PRICKLE2: variants seen among roughly 807,000 people sequenced by gnomAD.
The protein encoded by PRICKLE2 is prickle-like protein 2.
In PRICKLE2, 21 loss-of-function variants were observed where a neutral mutation model predicts 81.4. The observed-to-expected ratio is 0.26, with a 90% confidence interval of 0.18 to 0.37. PRICKLE2 has a LOEUF of 0.37. Among genes scored for constraint, PRICKLE2 ranks in the 10% least tolerant of loss-of-function variants. PRICKLE2 has a pLI of 1.00. For missense variants in PRICKLE2, 940 were observed against 1,109.0 expected (o/e 0.85, Z 2.16); for synonymous variants, 456 against 421.5 (o/e 1.08, Z -1.00).
chr3:64,139,378 C>G (rs755549482), intron 7 of PRICKLE2, among the ~76,000 whole-genome samples: 11 of 152,214 alleles, frequency 7.2e-5, no homozygotes, highest in Non-Finnish European at 1.2e-4. Flanking sequence ...CTATTTTCCT[C>G]TGTCTCCCAG....
Position 64,096,160 on chromosome 3 carries a change from G to C in PRICKLE2, c.*2891C>G, listed in dbSNP as rs34723451. 6.6e-6 allele frequency: 1 copy of C among 152,084 alleles called. No homozygotes were observed. The highest frequency in any genetic ancestry group is 2.4e-5 in the African/African-American group (1 of 41,428). 9.4% of individuals were successfully genotyped at this position (152,084 alleles called of 1,614,324 possible). A position where few individuals can be genotyped will look rare whatever the true frequency, so the allele number is the denominator to read the frequency against. ...AGACAAGAAGATCAATATTAGGAGA[G>C]GTGGGAAAAATAACAACCAGGGCAT... On this transcript the variant is annotated 3_prime_UTR_variant, in exon 8 of 8. Coordinates refer to ENST00000638394, the MANE Select transcript of PRICKLE2 (RefSeq NM_198859.4).
chr3:64,165,846 G>A (rs2077819840), intron 2 of PRICKLE2, among the ~76,000 whole-genome samples: 1 of 152,174 alleles, frequency 6.6e-6, no homozygotes, highest in Admixed American at 6.5e-5. Context: ...GGCTTGTAGA[G>A]TGAGACCAAA....
chr3:64,108,196 A>G (rs543099285), intron 7 of PRICKLE2, among the ~76,000 whole-genome samples: 1 of 152,174 alleles, frequency 6.6e-6, no homozygotes, highest in Non-Finnish European at 1.5e-5. Flanking sequence ...CCCTTTATAG[A>G]CACAGGTTGT....
chr3:64,160,141 A>G, intron 3 of PRICKLE2, 64 bp from the exon 4 acceptor site: 3 of 1,571,332 alleles, frequency 1.9e-6, no homozygotes, highest in South Asian at 1.1e-5. Flanking sequence ...TCTGAAGCCC[A>G]TGACTCTGAG....
chr3:64,110,142 T>C (rs903543224), intron 7 of PRICKLE2, among the ~76,000 whole-genome samples: 5 of 152,226 alleles, frequency 3.3e-5, no homozygotes, highest in African/African-American at 9.6e-5. Flanking sequence ...ATATTGCTAA[T>C]TGAAAGGATA....
intron 2 of PRICKLE2, among the ~76,000 whole-genome samples, chr3:64,265,072 A>G (rs997610920): frequency 1.3e-5 from 2 of 152,146 alleles, no homozygotes; most frequent in East Asian, 1.9e-4. Context: ...CCAGATTACA[A>G]TCTTTGCAAA....
At chr3:64,121,730 C>G (rs1175124786) in intron 7 of PRICKLE2, among the ~76,000 whole-genome samples, 1 of 152,180 alleles carries the variant, frequency 6.6e-6, no homozygotes, top group African/African-American at 2.4e-5. Flanking sequence ...TAGTCCCATG[C>G]TGGGCAGACA....
intron 5 of PRICKLE2, among the ~76,000 whole-genome samples, chr3:64,156,335 C>T (rs959919224): frequency 5.3e-5 from 8 of 152,108 alleles, no homozygotes; most frequent in Non-Finnish European, 1.2e-4. Context: ...GGCTGTCTGG[C>T]TGAAAAAGGG....
chr3:64,141,094 T>C (rs2077354371), intron 7 of PRICKLE2, among the ~76,000 whole-genome samples: 1 of 152,208 alleles, frequency 6.6e-6, no homozygotes, highest in Admixed American at 6.5e-5. Flanking sequence ...CTCACAGCAT[T>C]TAAAGAAGCA....
chr3:64,183,821 C>T (rs58165451), intron 2 of PRICKLE2, among the ~76,000 whole-genome samples: 3 of 152,170 alleles, frequency 2.0e-5, no homozygotes, highest in Admixed American at 6.5e-5. Context: ...TGAAAACAAA[C>T]TTTTCTGATC....
At chr3:64,172,081 A>C (rs1021572695) in intron 2 of PRICKLE2, among the ~76,000 whole-genome samples, 2 of 152,214 alleles carry the variant, frequency 1.3e-5, no homozygotes, top group Non-Finnish European at 2.9e-5. Flanking sequence ...TATTTTATTT[A>C]GAATATTAAA....
intron 6 of PRICKLE2, among the ~76,000 whole-genome samples, chr3:64,152,183 T>C (rs1410893494): frequency 6.6e-6 from 1 of 152,170 alleles, no homozygotes; most frequent in Non-Finnish European, 1.5e-5. Context: ...TGGGGCAAAA[T>C]GGGCTCCAAA....
chr3:64,215,702 C>T (rs528704675), intron 1 of PRICKLE2, among the ~76,000 whole-genome samples: 16 of 152,238 alleles, frequency 1.1e-4, no homozygotes, highest in Admixed American at 9.8e-4. Context: ...GCCAAGATCA[C>T]ATTAAAGAAA....
At chr3:64,185,599 C>A (rs1029248201) in intron 2 of PRICKLE2, among the ~76,000 whole-genome samples, 2 of 152,134 alleles carry the variant, frequency 1.3e-5, no homozygotes, top group African/African-American at 2.4e-5. Context: ...TACCCCAAAT[C>A]TCCTTTTCAT....
chr3:64,251,463 C>T (rs1268872778), intron 2 of PRICKLE2, among the ~76,000 whole-genome samples: 1 of 152,292 alleles, frequency 6.6e-6, no homozygotes, highest in Non-Finnish European at 1.5e-5. Flanking sequence ...ATCCAAGTTC[C>T]CACCAAGCAA....
At chr3:64,175,317 T>A (rs2078004507) in intron 2 of PRICKLE2, among the ~76,000 whole-genome samples, 1 of 152,192 alleles carries the variant, frequency 6.6e-6, no homozygotes, top group South Asian at 2.1e-4. Flanking sequence ...TGGCTAAGGT[T>A]TTTTTAAACA....
intron 2 of PRICKLE2, among the ~76,000 whole-genome samples, chr3:64,195,059 CA>C (rs1389644448): frequency 2.0e-5 from 3 of 151,920 alleles, no homozygotes; most frequent in Admixed American, 2.0e-4. Context: ...TAAAAATAAA[CA>C]AAAAAGTAAA....
chr3:64,215,084 AC>A (rs2078851539), intron 1 of PRICKLE2, among the ~76,000 whole-genome samples: 1 of 152,010 alleles, frequency 6.6e-6, no homozygotes, highest in Admixed American at 6.6e-5. Context: ...TGATGATAAC[AC>A]TCAGCTCTCC....
intron 7 of PRICKLE2, among the ~76,000 whole-genome samples, chr3:64,111,822 T>C (rs527284576): frequency 7.9e-4 from 120 of 152,318 alleles, no homozygotes; most frequent in African/African-American, 2.8e-3. Flanking sequence ...CACTGCCTAT[T>C]GCTTGACTTG....
Sources: allele counts gnomAD v4.1 joint callset (sites outside exome capture counted in the v4.1 genomes callset), GRCh38; gene constraint gnomAD v4.1.1; transcripts MANE v1.5; gene names NCBI Gene and HGNC (gene_info 2026-07-23, HGNC 2026-07-21).